Variants in FAM229A observed in about 807,000 individuals in gnomAD.
FAM229A encodes protein FAM229A.
FAM229A carries 9 observed loss-of-function variants against 10.0 expected under a neutral mutation model. The observed-to-expected ratio is 0.90, with a 90% CI of 0.54 to 1.56. The LOEUF is 1.56. FAM229A is among the 40% of genes most tolerant of loss of function. FAM229A has a pLI of 0.00. For missense variants in FAM229A, 196 were observed against 197.6 expected (o/e 0.99, Z 0.05); for synonymous variants, 93 against 90.1 (o/e 1.03, Z -0.19).
intron 2 of FAM229A, 86 bp from the exon 3 acceptor site, chr1:32,361,621 C>A: frequency 8.0e-7 from 1 of 1,250,330 alleles, no homozygotes; most frequent in East Asian, 3.2e-5. Flanking sequence ...CACCTGGGGT[C>A]CCCGGGGGTC....
intron 2 of FAM229A, 32 bp from the exon 3 acceptor site, chr1:32,361,567 G>A: frequency 1.5e-6 from 2 of 1,312,154 alleles, no homozygotes; most frequent in South Asian, 4.0e-5. Context: ...AGGGGCCGCT[G>A]AGGCAGGGGC....
Position 32,361,858 on chromosome 1 carries a change from G to T in FAM229A, c.153C>A (p.Asp51Glu). The T allele has an allele frequency of 7.4e-7, 1 of 1,342,318 alleles. No homozygotes were observed. Among genetic ancestry groups the T allele is most frequent in the Non-Finnish European group, 9.5e-7 (1 of 1,051,214 alleles). 83.2% of individuals were successfully genotyped at this position (1,342,318 alleles called of 1,614,324 possible). A position where few individuals can be genotyped will look rare whatever the true frequency, so the allele number is the denominator to read the frequency against. Residue 51 changes from aspartate to glutamate, a missense_variant, in exon 2 of 3, where the codon GAC (aspartate) becomes GAA (glutamate). Coordinates refer to ENST00000432622, the MANE Select transcript of FAM229A (RefSeq NM_001167676.2). The part of the protein sequence containing the change: ...STAGRAPRGL[D>E]MSAQEPPQGR... ...CCTGCGGGGGCTCCTGGGCGCTCAT[G>T]TCCAAGCCCCGGGGCGCTCTGCGCG...
chr1:32,361,678 G>A, intron 2 of FAM229A, 52 bp downstream of exon 2: 2 of 1,279,042 alleles, frequency 1.6e-6, no homozygotes, highest in Non-Finnish European at 9.9e-7. Context: ...CAAGTGGGAC[G>A]GAGGGCGGGG....
rs1641715036 is a variant in FAM229A, at chr1:32,362,181, C to T, written c.-90G>A. 1.6e-6 allele frequency: 2 copies of T among 1,288,548 alleles called. No homozygotes were observed. The highest frequency in any genetic ancestry group is 3.0e-4 in the Middle Eastern group (1 of 3,378). The allele number at this position is 1,288,548 out of a possible 1,614,324, so 79.8% of individuals were successfully genotyped here. On this transcript the variant is annotated 5_prime_UTR_variant, in exon 1 of 3. The change abolishes the stop of an existing upstream ORF in the 5' untranslated region. Coordinates refer to ENST00000432622, the MANE Select transcript of FAM229A (RefSeq NM_001167676.2). ...GGTGCCCCCTGCCGCCCCTGGCACT[C>T]AGCGCGGGCCAGAATCGGGGACTGG...
At position 32,362,390 on chromosome 1, in the gene FAM229A, G is replaced by T. The variant is rs1345323716; in HGVS notation, c.-299C>A. On this transcript the variant is annotated 5_prime_UTR_variant, in exon 1 of 3. Transcript: ENST00000432622. ...GACTACAACTCAATGCCTGGCACGG[G>T]GGCGGGCTCGGCGGTGACTTAATCC... 4.2e-6 allele frequency: 2 copies of T among 480,780 alleles called. No individual in the cohort carries two copies. The highest frequency in any genetic ancestry group is 2.0e-5 in the African/African-American group (1 of 51,014). The allele number at this position is 480,780 out of a possible 1,614,324, so 29.8% of individuals were successfully genotyped here. A position where few individuals can be genotyped will look rare whatever the true frequency, so the allele number is the denominator to read the frequency against.
At position 32,362,470 on chromosome 1, in the gene FAM229A, C is replaced by T. The variant is rs1202408671; in HGVS notation, c.-379G>A. 1 of 562,738 alleles carries T rather than the reference C, an allele frequency of 1.8e-6. No individual in the cohort carries two copies. The highest frequency in any genetic ancestry group is 1.9e-5 in the African/African-American group (1 of 53,646). The allele number at this position is 562,738 out of a possible 1,614,324, so 34.9% of individuals were successfully genotyped here. ...AGGTAGGGGCACTGCCCATTTTGGC[C>T]AAGGGTCACACAGCATCTACATCAC... is the stretch of plus-strand genomic sequence containing the variant. On this transcript the variant is annotated 5_prime_UTR_variant, in exon 1 of 3. Transcript: ENST00000432622.
chr1:32,362,059 G>A lies in FAM229A; in HGVS notation c.33C>T (p.His11=). ...GCGGAGCCGGGCAGGTCTCTGTGGC[G>A]TGCCCGGGCCCGGGCGTCGAGGAGG... is the stretch of plus-strand genomic sequence containing the variant. MLPSSTPGPG[H]ATETCPAPPG... is the part of the protein sequence containing the mutation. Residue 11 remains histidine, a synonymous_variant, in exon 1 of 3, where the codon CAC becomes CAT. Transcript: ENST00000432622. The A allele has an allele frequency of 6.9e-7, 1 of 1,442,408 alleles. No individual in the cohort carries two copies. The highest frequency in any genetic ancestry group is 9.1e-7 in the Non-Finnish European group (1 of 1,103,566). 89.4% of individuals were successfully genotyped at this position (1,442,408 alleles called of 1,614,324 possible).
In FAM229A at chr1:32,361,768, G is replaced by A; in HGVS notation, c.243C>T (p.Asp81=). 7.5e-7 allele frequency: 1 copy of A among 1,324,928 alleles called. No individual in the cohort carries two copies. Among genetic ancestry groups the A allele is most frequent in the Non-Finnish European group, 9.6e-7 (1 of 1,040,002 alleles). The allele number at this position is 1,324,928 out of a possible 1,614,324, so 82.1% of individuals were successfully genotyped here. The change falls in exon 2 of 3, where the codon GAC becomes GAT. Residue 81 remains aspartate, a synonymous_variant. Coordinates refer to ENST00000432622, the MANE Select transcript of FAM229A (RefSeq NM_001167676.2). The stretch of plus-strand genomic sequence containing the variant: ...GCTCCGTCGCTACCGCCTCCGGGCT[G>A]TCCTGGGACTCGGGGGCGGCGGCAA... ...RGLAAAPESQ[D]SPEAVATEHN...
chr1:32,362,053 T>A lies in FAM229A; in HGVS notation c.39A>T (p.Thr13=). 6.9e-7 allele frequency: 1 copy of A among 1,452,698 alleles called. No individual in the cohort carries two copies. Among genetic ancestry groups the A allele is most frequent in the Non-Finnish European group, 9.0e-7 (1 of 1,109,436 alleles). 90.0% of individuals were successfully genotyped at this position (1,452,698 alleles called of 1,614,324 possible). Residue 13 remains threonine, a synonymous_variant, in exon 1 of 3, where the codon ACA becomes ACT. Coordinates refer to ENST00000432622, the MANE Select transcript of FAM229A (RefSeq NM_001167676.2). ...GTCCAGGCGGAGCCGGGCAGGTCTC[T>A]GTGGCGTGCCCGGGCCCGGGCGTCG... The part of the protein sequence containing the change: ...PSSTPGPGHA[T]ETCPAPPGPE...
In FAM229A at chr1:32,361,449, C is replaced by G. The variant is rs1421699250; in HGVS notation, c.368G>C (p.Arg123Pro). The G allele has an allele frequency of 5.9e-6, 8 of 1,358,160 alleles. No individual in the cohort carries two copies. In the African/African-American group the frequency reaches 7.6e-5, roughly 13 times the overall value. The allele number at this position is 1,358,160 out of a possible 1,614,324, so 84.1% of individuals were successfully genotyped here. Reference protein sequence around the residue: ...DVYLAMGGSPRARAT With the variant: ...DVYLAMGGSPPARAT ...CAGGCGCACTCACGTGGCGCGGGCC[C>G]GGGGGCTCCCGCCCATGGCGAGGTA... is the stretch of plus-strand genomic sequence containing the variant. Residue 123 changes from arginine to proline, a missense_variant, in exon 3 of 3, where the codon CGG becomes CCG. Arg to Pro is a moderately radical substitution (Grantham distance 103, BLOSUM62 -2). Transcript: ENST00000432622.
At chr1:32,361,562 C>A in intron 2 of FAM229A, 27 bp from the exon 3 acceptor site, 3 of 1,316,612 alleles carry the variant, frequency 2.3e-6, no homozygotes, top group Non-Finnish European at 2.9e-6. Context: ...GCGACAGGGG[C>A]CGCTGAGGCA....
In FAM229A at chr1:32,362,145, G is replaced by A. The variant is rs1033970529; in HGVS notation, c.-54C>T. 6 of 1,320,124 alleles carry A rather than the reference G, an allele frequency of 4.5e-6. No individual in the cohort carries two copies. The highest frequency in any genetic ancestry group is 5.8e-6 in the Non-Finnish European group (6 of 1,036,448). 81.8% of individuals were successfully genotyped at this position (1,320,124 alleles called of 1,614,324 possible). A position where few individuals can be genotyped will look rare whatever the true frequency, so the allele number is the denominator to read the frequency against. ...CACAGAGCACGTTCCTCCCACTGGA[G>A]AACCCCCAACGGTGCCCCCTGCCGC... On this transcript the variant is annotated 5_prime_UTR_variant, in exon 1 of 3. Transcript: ENST00000432622.
Position 32,361,785 on chromosome 1 carries a change from C to G in FAM229A, c.226G>C (p.Ala76Pro). Reference sequence around the variant, plus strand: ...TCCGGGCTGTCCTGGGACTCGGGGGCGGCGGCAAGGCCACGGGAGTCTCCG... The same window carrying G: ...TCCGGGCTGTCCTGGGACTCGGGGGGGGCGGCAAGGCCACGGGAGTCTCCG... ...EAGDSRGLAA[A>P]PESQDSPEAV... The change falls in exon 2 of 3, where the codon GCC becomes CCC. Residue 76 changes from alanine (A) to proline (P), a missense_variant. Transcript: ENST00000432622. 1.5e-6 allele frequency: 2 copies of G among 1,322,278 alleles called. No individual in the cohort carries two copies. The highest frequency in any genetic ancestry group is 1.9e-6 in the Non-Finnish European group (2 of 1,038,380). 81.9% of individuals were successfully genotyped at this position (1,322,278 alleles called of 1,614,324 possible). A position where few individuals can be genotyped will look rare whatever the true frequency, so the allele number is the denominator to read the frequency against.
At position 32,362,379 on chromosome 1, in the gene FAM229A, G is replaced by A; in HGVS notation, c.-288C>T. 2.1e-6 allele frequency: 1 copy of A among 479,336 alleles called. No homozygotes were observed. 29.7% of individuals were successfully genotyped at this position (479,336 alleles called of 1,614,324 possible). On this transcript the variant is annotated 5_prime_UTR_variant, in exon 1 of 3. Transcript: ENST00000432622. ...CTCCCAGGCGGGACTACAACTCAAT[G>A]CCTGGCACGGGGGCGGGCTCGGCGG...
In FAM229A at chr1:32,362,050, C is replaced by T; in HGVS notation, c.42G>A (p.Glu14=). The change falls in exon 1 of 3, where the codon GAG becomes GAA. Residue 14 remains glutamate, a synonymous_variant. Coordinates refer to ENST00000432622, the MANE Select transcript of FAM229A (RefSeq NM_001167676.2). ...CCGGTCCAGGCGGAGCCGGGCAGGT[C>T]TCTGTGGCGTGCCCGGGCCCGGGCG... ...SSTPGPGHAT[E]TCPAPPGPER... 2.1e-6 allele frequency: 3 copies of T among 1,454,642 alleles called. No homozygotes were observed. The highest frequency in any genetic ancestry group is 1.8e-6 in the Non-Finnish European group (2 of 1,110,856). 90.1% of individuals were successfully genotyped at this position (1,454,642 alleles called of 1,614,324 possible).
At chr1:32,361,557 AG>A in intron 2 of FAM229A, 22 bp from the exon 3 acceptor site, 1 of 1,325,768 alleles carries the variant, frequency 7.5e-7, no homozygotes. Context: ...GACGCGCGAC[AG>A]GGGCCGCTGA....
In FAM229A at chr1:32,362,044, G is replaced by A; in HGVS notation, c.48C>T (p.Cys16=). The A allele has an allele frequency of 6.8e-7, 1 of 1,473,288 alleles. No individual in the cohort carries two copies. The allele number at this position is 1,473,288 out of a possible 1,614,324, so 91.3% of individuals were successfully genotyped here. The stretch of plus-strand genomic sequence containing the variant: ...AACGCTCCGGTCCAGGCGGAGCCGG[G>A]CAGGTCTCTGTGGCGTGCCCGGGCC... The part of the protein sequence containing the change: ...TPGPGHATET[C]PAPPGPERSP... The change falls in exon 1 of 3, where the codon TGC becomes TGT. Residue 16 remains cysteine, a synonymous_variant. Transcript: ENST00000432622.
At chr1:32,361,557 A>G in intron 2 of FAM229A, 22 bp from the exon 3 acceptor site, 1 of 1,325,776 alleles carries the variant, frequency 7.5e-7, no homozygotes, top group Non-Finnish European at 9.7e-7. Context: ...GACGCGCGAC[A>G]GGGGCCGCTG....
At position 32,361,882 on chromosome 1, in the gene FAM229A, C is replaced by G; in HGVS notation, c.135-6G>C. On this transcript the variant is annotated splice_region_variant and splice_polypyrimidine_tract_variant and intron_variant, in intron 1 of 2. Coordinates refer to ENST00000432622, the MANE Select transcript of FAM229A (RefSeq NM_001167676.2). ...TGTCCAAGCCCCGGGGCGCTCTGCG[C>G]GGGGAGTGGCGGTCAGGCCTCTCCC... is the stretch of plus-strand genomic sequence containing the variant. 7.4e-7 allele frequency: 1 copy of G among 1,344,756 alleles called. No individual in the cohort carries two copies. The highest frequency in any genetic ancestry group is 1.8e-5 in the South Asian group (1 of 54,832). The allele number at this position is 1,344,756 out of a possible 1,614,324, so 83.3% of individuals were successfully genotyped here.
Sources: gnomAD v4.1 joint callset for allele counts on GRCh38, gnomAD v4.1.1 for gene constraint, MANE v1.5 for transcripts, NCBI Gene and HGNC (gene_info 2026-07-23, HGNC 2026-07-21) for gene names.